AFAP1: variants seen among roughly 807,000 people sequenced by gnomAD.
The protein encoded by AFAP1 is actin filament-associated protein 1.
A neutral mutation model predicts 93.9 loss-of-function variants in AFAP1; 75 were observed. The ratio of observed to expected loss-of-function variants is 0.80; its 90% confidence interval spans 0.66 to 0.97. AFAP1 has a LOEUF of 0.97. AFAP1 is among the 50% of genes least tolerant of loss of function. AFAP1 has a pLI of 0.00. For missense variants in AFAP1, 1,201 were observed against 1,050.8 expected (o/e 1.14, Z -1.98); for synonymous variants, 517 against 430.7 (o/e 1.20, Z -2.48).
chr4:7,764,392 TA>T (rs141866612), intron 17 of AFAP1, among the ~76,000 whole-genome samples: 22 of 148,132 alleles, frequency 1.5e-4, no homozygotes, highest in African/African-American at 4.7e-4. Context: ...TCAAAAAATA[TA>T]AAAAAAAAAG....
chr4:7,859,462 T>C (rs1715432138), intron 3 of AFAP1, among the ~76,000 whole-genome samples: 1 of 152,010 alleles, frequency 6.6e-6, no homozygotes, highest in African/African-American at 2.4e-5. Context: ...CACCATGGCA[T>C]CTTTAGACAC....
rs557807903 is a variant in AFAP1, at chr4:7,935,527, G to A, written c.-3+4129C>T. Among the ~76,000 whole-genome samples the A allele has an allele frequency of 2.0e-5, 3 of 152,324 alleles. No individual in the cohort carries two copies. The East Asian group carries it at 5.8e-4, about 29-fold the overall frequency. On this transcript the variant is annotated intron_variant, in intron 1 of 17. Transcript: ENST00000420658. ...ACAGCAGGTGACATGGGAGAGAGAG[G>A]AAGGTAGACAGCAAAGACTTGAGAC...
intron 1 of AFAP1, among the ~76,000 whole-genome samples, chr4:7,934,084 A>G (rs1041223006): frequency 6.6e-6 from 1 of 152,210 alleles, no homozygotes; most frequent in South Asian, 2.1e-4. Context: ...ACTCCATCCA[A>G]AACAACAGAT....
At chr4:7,773,420 A>G (rs1222305107) in intron 15 of AFAP1, 1 of 190,932 alleles carries the variant, frequency 5.2e-6, no homozygotes, top group Non-Finnish European at 1.1e-5. Context: ...GGCAATGAAC[A>G]GTAGCTCAGC....
intron 1 of AFAP1, among the ~76,000 whole-genome samples, chr4:7,937,500 A>C (rs936049851): frequency 2.0e-5 from 3 of 152,116 alleles, no homozygotes; most frequent in African/African-American, 7.2e-5. Context: ...TTCTGTTTTT[A>C]TTTTGAGACG....
chr4:7,815,602 C>T (rs763647193), intron 8 of AFAP1, among the ~76,000 whole-genome samples: 84 of 152,128 alleles, frequency 5.5e-4, no homozygotes, highest in Admixed American at 1.9e-3. Flanking sequence ...AAAGGCAGAG[C>T]TTGAATGGGA....
chr4:7,871,551 G>A (rs772988455), intron 2 of AFAP1, among the ~76,000 whole-genome samples: 9 of 152,202 alleles, frequency 5.9e-5, no homozygotes, highest in Non-Finnish European at 7.3e-5. Flanking sequence ...GCACACAGAC[G>A]CTGGCATATG....
At chr4:7,845,250 C>T (rs1713546205) in intron 4 of AFAP1, among the ~76,000 whole-genome samples, 1 of 151,928 alleles carries the variant, frequency 6.6e-6, no homozygotes, top group South Asian at 2.1e-4. Context: ...TAGCGAGACC[C>T]TATCTCTATA....
In AFAP1 at chr4:7,867,117, G is replaced by A. The variant is rs1347219339; in HGVS notation, c.225+1505C>T. 2.5e-3 allele frequency among the ~76,000 whole-genome samples: 168 copies of A among 67,278 alleles called. 1 individual carries two copies. Among genetic ancestry groups the A allele is most frequent in the Non-Finnish European group, 4.1e-3 (126 of 30,398 alleles). The allele number at this position is 67,278 out of a possible 152,430, so 44.1% of individuals were successfully genotyped here. A position where few individuals can be genotyped will look rare whatever the true frequency, so the allele number is the denominator to read the frequency against. On this transcript the variant is annotated intron_variant, in intron 3 of 17. Transcript: ENST00000420658. ...GGAGGAGAGGGGAGTAGAGGGGAGG[G>A]GAGGGTAGGGGAGCGGAGGGGAGGG...
At chr4:7,845,484 A>T (rs1713573603) in intron 4 of AFAP1, among the ~76,000 whole-genome samples, 1 of 152,144 alleles carries the variant, frequency 6.6e-6, no homozygotes, top group South Asian at 2.1e-4. Context: ...TTGAAGAGGT[A>T]ACTTTGGCAA....
At chr4:7,902,870 C>T (rs1242289432) in intron 1 of AFAP1, among the ~76,000 whole-genome samples, 2 of 152,150 alleles carry the variant, frequency 1.3e-5, no homozygotes, top group South Asian at 4.1e-4. Context: ...ATCTAAAGGC[C>T]CCTGATTCTA....
chr4:7,764,864 G>A (rs993242226), intron 17 of AFAP1, among the ~76,000 whole-genome samples: 8 of 152,228 alleles, frequency 5.3e-5, no homozygotes, highest in African/African-American at 1.9e-4. Context: ...CACTTGGAGA[G>A]GCTGAGTGAG....
At chr4:7,766,065 T>G (rs1353234512) in intron 17 of AFAP1, among the ~76,000 whole-genome samples, 1 of 152,236 alleles carries the variant, frequency 6.6e-6, no homozygotes, top group Non-Finnish European at 1.5e-5. Context: ...TCACTTTGTC[T>G]AAATCAAAAG....
At chr4:7,895,416 A>C (rs982283401) in intron 1 of AFAP1, among the ~76,000 whole-genome samples, 1 of 152,194 alleles carries the variant, frequency 6.6e-6, no homozygotes, top group Non-Finnish European at 1.5e-5. Flanking sequence ...AAAAGCTCTT[A>C]AAGGATAATC....
intron 6 of AFAP1, among the ~76,000 whole-genome samples, chr4:7,821,777 T>G (rs568158367): frequency 1.3e-5 from 2 of 152,376 alleles, no homozygotes; most frequent in East Asian, 3.9e-4. Flanking sequence ...CAGCTTGTGC[T>G]GGTGCTGGGA....
chr4:7,777,592 TG>T (rs1390036126), intron 14 of AFAP1: 1 of 152,220 alleles, frequency 6.6e-6, no homozygotes, highest in Admixed American at 6.5e-5. Context: ...GGTTACCACC[TG>T]GGGCTAGCTG....
intron 4 of AFAP1, among the ~76,000 whole-genome samples, chr4:7,845,195 G>A (rs762779271): frequency 3.3e-5 from 5 of 152,160 alleles, no homozygotes; most frequent in Admixed American, 2.0e-4. Flanking sequence ...GCCAAGGCGG[G>A]CGAATCACTT....
chr4:7,854,697 G>A (rs545228710), intron 4 of AFAP1, among the ~76,000 whole-genome samples: 21 of 145,532 alleles, frequency 1.4e-4, no homozygotes, highest in African/African-American at 5.4e-4. Context: ...CAACTGCTCT[G>A]TCACTATCCA....
chr4:7,918,923 CCGGA>C (rs1560236268), intron 1 of AFAP1, among the ~76,000 whole-genome samples: 31 of 122,144 alleles, frequency 2.5e-4, no homozygotes, highest in South Asian at 3.0e-4. Context: ...AACAGGGCTG[CCGGA>C]TGAGACACTC....
Sources: allele counts gnomAD v4.1 joint callset (sites outside exome capture counted in the v4.1 genomes callset), GRCh38; gene constraint gnomAD v4.1.1; transcripts MANE v1.5; gene names NCBI Gene and HGNC (gene_info 2026-07-23, HGNC 2026-07-21).